Variants in CCDC142 observed in about 807,000 individuals in gnomAD.
CCDC142 encodes the protein coiled-coil domain containing 142, also known as coiled-coil domain-containing protein 142.
Under a neutral mutation model 83.8 loss-of-function variants are expected in CCDC142, and 67 were observed. The observed-to-expected ratio is 0.80, with a 90% CI of 0.66 to 0.98. The LOEUF is 0.98. Among genes scored for constraint, CCDC142 ranks in the 50% least tolerant of loss-of-function variants. CCDC142 has a pLI of 0.00. For missense variants in CCDC142, 905 were observed against 946.8 expected (o/e 0.96, Z 0.58); for synonymous variants, 421 against 421.2 (o/e 1.00, Z 0.01).
rs766895524 is a variant in CCDC142 at position 74,475,239 on chromosome 2, A to C, written c.1782T>G (p.His594Gln). 2 of 1,614,054 alleles carry C rather than the reference A, an allele frequency of 1.2e-6. No individual in the cohort carries two copies. Among genetic ancestry groups the C allele is most frequent in the Admixed American group, 3.3e-5 (2 of 60,016 alleles). Reference sequence around the variant, plus strand: ...TTACTCCTGACCTGAACCGAATCCCATGGGTAAGAATGTGGTCAAGCCAGG... The same window carrying C: ...TTACTCCTGACCTGAACCGAATCCCCTGGGTAAGAATGTGGTCAAGCCAGG... ...VGAWLDHILTHGIRFSLQGAL... is the reference protein window; with the variant it reads ...VGAWLDHILTQGIRFSLQGAL... The change falls in exon 7 of 9, where the codon CAT (histidine) becomes CAG (glutamine). Residue 594 changes from histidine to glutamine, a missense_variant. Physicochemically the swap from His to Gln is conservative, Grantham distance 24. Around this residue, in one of 3 missense-constraint regions of CCDC142, gnomAD observed 265 missense variants for 288.9 expected, o/e 0.92. Transcript: ENST00000393965.
Position 74,473,570 on chromosome 2 carries a change from G to A in CCDC142, c.*976C>T, listed in dbSNP as rs1204033451. Among the ~76,000 whole-genome samples, 3 of 152,068 alleles carry A rather than the reference G, an allele frequency of 2.0e-5. No homozygotes were observed. The highest frequency in any genetic ancestry group is 4.4e-5 in the Non-Finnish European group (3 of 68,008). On this transcript the variant is annotated 3_prime_UTR_variant, in exon 9 of 9. Coordinates refer to ENST00000393965, the MANE Select transcript of CCDC142 (RefSeq NM_001365575.2). ...CGGACCTCGTGATCCGCCCCTCTAG[G>A]CCTCCCAAAGTGCTGGGATTACAGG...
rs1672224531 is a variant in CCDC142, at chr2:74,472,960, A to G, written c.*1586T>C. On this transcript the variant is annotated 3_prime_UTR_variant, in exon 9 of 9. Coordinates refer to ENST00000393965, the MANE Select transcript of CCDC142 (RefSeq NM_001365575.2). ...CGCAAAAACCTCTTTGCACGAAAAT[A>G]CGCCCGTTTTCTGCAGCCTTTCCCC... 11 of 455,980 alleles carry G rather than the reference A, an allele frequency of 2.4e-5. No individual in the cohort carries two copies. The highest frequency in any genetic ancestry group is 7.5e-5 in the Admixed American group (2 of 26,704). 28.2% of individuals were successfully genotyped at this position (455,980 alleles called of 1,614,324 possible). A position where few individuals can be genotyped will look rare whatever the true frequency, so the allele number is the denominator to read the frequency against.
At position 74,482,271 on chromosome 2, in the gene CCDC142, G is replaced by C. The variant is rs757481382; in HGVS notation, c.567C>G (p.Leu189=). 4.3e-6 allele frequency: 7 copies of C among 1,612,694 alleles called. No homozygotes were observed. Among genetic ancestry groups the C allele is most frequent in the South Asian group, 1.1e-5 (1 of 90,774 alleles). Residue 189 remains leucine (L), a synonymous_variant, in exon 1 of 9, where the codon CTC becomes CTG. Transcript: ENST00000393965. This position sits in a 1 kb window ranked among gnomAD's most constrained non-coding sequence, Gnocchi z 5.0. ...EAVIEMQLRA[L]GREPASPGLS... ...GGCCCGGGCTGGCGGGCTCCCGGCCGAGAGCGCGAAGCTGCATCTCGATGA... is the reference window on the plus strand; with the variant it reads ...GGCCCGGGCTGGCGGGCTCCCGGCCCAGAGCGCGAAGCTGCATCTCGATGA...
Position 74,482,727 on chromosome 2 carries a change from G to T in CCDC142, c.111C>A (p.Gly37=). 2 of 1,604,754 alleles carry T rather than the reference G, an allele frequency of 1.2e-6. No homozygotes were observed. The highest frequency in any genetic ancestry group is 8.5e-7 in the Non-Finnish European group (1 of 1,179,964). Residue 37 remains glycine (G), a synonymous_variant, in exon 1 of 9, where the codon GGC becomes GGA. Coordinates refer to ENST00000393965, the MANE Select transcript of CCDC142 (RefSeq NM_001365575.2). This position sits in a 1 kb window ranked among gnomAD's most constrained non-coding sequence, Gnocchi z 5.0. ...GEEQWERSRT[G]GLRWEVHCWP... is the part of the protein sequence containing the mutation. ...AGCAGTGAACCTCCCAGCGAAGACC[G>T]CCCGTTCGACTTCTCTCCCACTGCT...
In CCDC142 at chr2:74,482,960, C is replaced by T; in HGVS notation, c.-123G>A. ...TCTCCAGTCCGGGAGTCGCGGGGAC[C>T]TTCATGGACTCTCTCGTGCTCCGTA... On this transcript the variant is annotated 5_prime_UTR_variant, in exon 1 of 9. Transcript: ENST00000393965. This position sits in a 1 kb window ranked among gnomAD's most constrained non-coding sequence, Gnocchi z 5.0. 3.2e-6 allele frequency: 5 copies of T among 1,556,004 alleles called. No homozygotes were observed. The highest frequency in any genetic ancestry group is 1.8e-5 in the Admixed American group (1 of 56,748).
At chr2:74,481,794 G>A (rs371426119) in intron 1 of CCDC142, 23 bp downstream of exon 1, 12 of 1,588,026 alleles carry the variant, frequency 7.6e-6, no homozygotes, top group Non-Finnish European at 1.0e-5. Flanking sequence ...CTTCCCAAAC[G>A]CCCACCCAAG....
At position 74,474,769 on chromosome 2, in the gene CCDC142, G is replaced by C; in HGVS notation, c.2030C>G (p.Pro677Arg). The C allele has an allele frequency of 2.5e-6, 4 of 1,613,046 alleles. No homozygotes were observed. Among genetic ancestry groups the C allele is most frequent in the Non-Finnish European group, 3.4e-6 (4 of 1,179,324 alleles). Residue 677 changes from proline (P) to arginine (R), a missense_variant, in exon 9 of 9, where the codon CCC becomes CGC. Pro to Arg is a moderately radical substitution (Grantham distance 103). Around this residue, in one of 3 missense-constraint regions of CCDC142, gnomAD observed 265 missense variants for 288.9 expected, o/e 0.92. Transcript: ENST00000393965. ...CTCCAGGCTATTGAGGCAGCTGCTG[G>C]GCAATTTCGTGGTCTGGACCTCCTG... ...ACQEVQTTKL[P>R]SSCLNSLESL... is the part of the protein sequence containing the mutation.
In CCDC142 at chr2:74,481,963, C is replaced by A. The variant is rs1672491443; in HGVS notation, c.875G>T (p.Gly292Val). ...GGCCCCAGCCCCTCCGAGCCCTAGTCCACAGCTGGCTGAACCCGCCACGCC... is the reference window on the plus strand; with the variant it reads ...GGCCCCAGCCCCTCCGAGCCCTAGTACACAGCTGGCTGAACCCGCCACGCC... Reference protein sequence around the residue: ...VGGVAGSASCGLGLGGAGALW... With the variant: ...VGGVAGSASCVLGLGGAGALW... The change falls in exon 1 of 9, where the codon GGA becomes GTA. Residue 292 changes from glycine (G) to valine (V), a missense_variant. Around this residue, in one of 3 missense-constraint regions of CCDC142, gnomAD observed 591 missense variants for 571.4 expected, o/e 1.03. Coordinates refer to ENST00000393965, the MANE Select transcript of CCDC142 (RefSeq NM_001365575.2). 6.2e-7 allele frequency: 1 copy of A among 1,613,906 alleles called. No homozygotes were observed.
chr2:74,477,575 CCCA>C (rs980218550), intron 5 of CCDC142, among the ~76,000 whole-genome samples: 4 of 152,150 alleles, frequency 2.6e-5, no homozygotes, highest in Non-Finnish European at 2.9e-5. Flanking sequence ...CTCTGCTACC[CCCA>C]CAAGGATCTA....
rs1672499954 is a variant in CCDC142, at chr2:74,482,063, C to CTGGT, written c.774_775insACCA (p.Ala259ThrfsTer91). ...CGCCTGCGGAGCTGGTCCCTCAACG[C>CTGGT]CGATCCTTGGAGCGCCTCGTCCAGC... On this transcript the variant is annotated frameshift_variant, in exon 1 of 9. Transcript: ENST00000393965. LOFTEE classifies it high-confidence loss of function. The surrounding 1 kb of genome is among the most constrained non-coding windows in gnomAD (Gnocchi z 5.0). The CTGGT allele has an allele frequency of 3.1e-6, 5 of 1,613,592 alleles. No individual in the cohort carries two copies. The East Asian group carries it at 1.1e-4, about 36-fold the overall frequency.
chr2:74,475,622 A>G lies in CCDC142; in HGVS notation c.1608T>C (p.Arg536=). The G allele has an allele frequency of 1.9e-6, 3 of 1,613,472 alleles. No individual in the cohort carries two copies. Among genetic ancestry groups the G allele is most frequent in the Non-Finnish European group, 2.5e-6 (3 of 1,179,448 alleles). ...YMPRGRYWRL[R]LCPEPPSAPS... ...GGGATGAGGAGTTACCAGGACAGAG[A>G]CGAAGCCGCCAGTACCGACCCCGTG... Residue 536 remains arginine (R), a synonymous_variant, in exon 6 of 9, where the codon CGT becomes CGC. Coordinates refer to ENST00000393965, the MANE Select transcript of CCDC142 (RefSeq NM_001365575.2).
At chr2:74,475,434 G>A in intron 6 of CCDC142, 32 bp from the exon 7 acceptor site, 1 of 1,547,464 alleles carries the variant, frequency 6.5e-7, no homozygotes, top group Non-Finnish European at 8.7e-7. Context: ...ATAAGGCTGT[G>A]GAGATCCATT....
intron 5 of CCDC142, 144 bp from the exon 6 acceptor site, chr2:74,475,870 A>G: frequency 1.6e-6 from 1 of 612,570 alleles, no homozygotes; most frequent in Non-Finnish European, 2.9e-6. Flanking sequence ...TTGAGGAGCA[A>G]TGCCATAGTT....
intron 5 of CCDC142, among the ~76,000 whole-genome samples, chr2:74,476,134 T>A (rs1467912807): frequency 1.4e-5 from 2 of 147,208 alleles, no homozygotes; most frequent in Admixed American, 6.8e-5. Flanking sequence ...GATTGTATGA[T>A]CTGCAATGGG....
rs1328350341 is a variant in CCDC142, at chr2:74,473,534, A to T, written c.*1012T>A. On this transcript the variant is annotated 3_prime_UTR_variant, in exon 9 of 9. Transcript: ENST00000393965. ...GCGGGGTTTCACCGCGTTAGCCAGGATGGTCTTGATCGGACCTCGTGATCC... is the reference window on the plus strand; with the variant it reads ...GCGGGGTTTCACCGCGTTAGCCAGGTTGGTCTTGATCGGACCTCGTGATCC... 2.6e-5 allele frequency among the ~76,000 whole-genome samples: 4 copies of T among 151,904 alleles called. No individual in the cohort carries two copies. Among genetic ancestry groups the T allele is most frequent in the African/African-American group, 9.7e-5 (4 of 41,372 alleles).
rs779594580 is a variant in CCDC142, at chr2:74,474,729, C to T, written c.2070G>A (p.Pro690=). 9.3e-6 allele frequency: 15 copies of T among 1,614,038 alleles called. No individual in the cohort carries two copies. The highest frequency in any genetic ancestry group is 5.0e-5 in the Admixed American group (3 of 59,986). Residue 690 remains proline, a synonymous_variant, in exon 9 of 9, where the codon CCG becomes CCA. Coordinates refer to ENST00000393965, the MANE Select transcript of CCDC142 (RefSeq NM_001365575.2). ...CLNSLESLEP[P]LQPGTSPAQT... ...GGGCTGGAGATGTTCCAGGCTGGAG[C>T]GGGGGCTCCAAGCTCTCCAGGCTAT...
chr2:74,474,915 C>G lies in CCDC142; in HGVS notation c.1996+1G>C. ...GCAGTGAGCGAAGGGGAGTAACTCA[C>G]AGCAACAGGGGGGCCTCCTGTGGAC... On this transcript the variant is annotated splice_donor_variant, in intron 8 of 8. Transcript: ENST00000393965. LOFTEE classifies it high-confidence loss of function. The G allele has an allele frequency of 6.3e-7, 1 of 1,589,874 alleles. No individual in the cohort carries two copies. The highest frequency in any genetic ancestry group is 1.3e-5 in the African/African-American group (1 of 74,592).
rs767071444 is a variant in CCDC142, at chr2:74,475,231, C to T, written c.1790G>A (p.Arg597Gln). The T allele has an allele frequency of 2.9e-5, 47 of 1,614,228 alleles. No individual in the cohort carries two copies. In the Admixed American group the frequency reaches 4.7e-4, roughly 16 times the overall value. ...TTCCACCTTTACTCCTGACCTGAAC[C>T]GAATCCCATGGGTAAGAATGTGGTC... ...WLDHILTHGI[R>Q]FSLQGALQLK... The change falls in exon 7 of 9, where the codon CGG becomes CAG. Residue 597 changes from arginine (R) to glutamine (Q), a missense_variant. Physicochemically the swap from Arg to Gln is conservative, Grantham distance 43. This residue lies in a region of CCDC142 where 265 missense variants were observed against 288.9 expected (regional missense o/e 0.92). Transcript: ENST00000393965.
rs1435806587 is a variant in CCDC142, at chr2:74,474,959, C to T, written c.1953G>A (p.Gln651=). 1.2e-6 allele frequency: 2 copies of T among 1,608,700 alleles called. No homozygotes were observed. Among genetic ancestry groups the T allele is most frequent in the Non-Finnish European group, 1.7e-6 (2 of 1,177,202 alleles). The change falls in exon 8 of 9, where the codon CAG becomes CAA. Residue 651 remains glutamine, a synonymous_variant. Transcript: ENST00000393965. The part of the protein sequence containing the change: ...LDGALLCLLQ[Q]PLPKSQVHRR... ...TGTGGACTTGAGACTTGGGCAGGGG[C>T]TGCTGCAACAGACACAGCAGGGCCC...
Sources: gnomAD v4.1 joint callset for allele counts (sites outside exome capture counted in the v4.1 genomes callset) on GRCh38, gnomAD v4.1.1 for gene constraint, gnomAD v4.1.1 regional missense constraint, Gnocchi (gnomAD v3.1) non-coding constraint, MANE v1.5 for transcripts, NCBI Gene and HGNC (gene_info 2026-07-23, HGNC 2026-07-21) for gene names.